Variants in MRGPRF observed in about 807,000 individuals in gnomAD.
The protein encoded by MRGPRF is mas-related G protein-coupled receptor member F.
In MRGPRF, 2 loss-of-function variants were observed where a neutral mutation model predicts 3.3. That is an observed-to-expected ratio of 0.61 (90% CI 0.25 to 1.92). The LOEUF is 1.92. Ranked by LOEUF, MRGPRF falls within the 40% of genes most tolerant of loss-of-function variation. The probability of loss-of-function intolerance (pLI) is 0.16; values close to 1 mark genes in which losing one functional copy is unlikely to be tolerated. For synonymous variants in MRGPRF, 242 were observed against 222.7 expected (o/e 1.09, Z -0.77); for missense variants, 500 against 476.0 (o/e 1.05, Z -0.47).
intron 2 of MRGPRF, among the ~76,000 whole-genome samples, chr11:69,008,297 G>A (rs760502906): frequency 1.3e-5 from 2 of 152,164 alleles, no homozygotes; most frequent in African/African-American, 4.8e-5. Flanking sequence ...CTGCCTGCCC[G>A]GAGAACAGTC....
At chr11:69,012,102 G>A (rs545612349) in intron 1 of MRGPRF, among the ~76,000 whole-genome samples, 2 of 152,370 alleles carry the variant, frequency 1.3e-5, no homozygotes, top group South Asian at 4.1e-4. Context: ...GTCAGTACAT[G>A]TGTATGTGTG....
Position 69,005,769 on chromosome 11 carries a change from A to T in MRGPRF, c.541T>A (p.Phe181Ile). Residue 181 changes from phenylalanine (F) to isoleucine (I), a missense_variant, in exon 3 of 3, where the codon TTC (phenylalanine) becomes ATC (isoleucine). By Grantham distance (21) the Phe-to-Ile change is conservative. Transcript: ENST00000309099. ...GCCCCGCGGCCCAGGAACACGCAGA[A>T]GTAGTTGTGCAGGCAGGTGACCAGG... ...SLLVTCLHNY[F>I]CVFLGRGAPG... 6.5e-7 allele frequency: 1 copy of T among 1,546,876 alleles called. No homozygotes were observed. Among genetic ancestry groups the T allele is most frequent in the Middle Eastern group, 1.7e-4 (1 of 5,942 alleles).
chr11:69,011,119 C>A (rs1209413817), intron 1 of MRGPRF, among the ~76,000 whole-genome samples: 1 of 152,074 alleles, frequency 6.6e-6, no homozygotes, highest in East Asian at 1.9e-4. Context: ...CGGGTCCGCC[C>A]GGCCTCAGCC....
Position 69,005,670 on chromosome 11 carries a change from C to T in MRGPRF, c.640G>A (p.Val214Met). 2 of 1,551,722 alleles carry T rather than the reference C, an allele frequency of 1.3e-6. No homozygotes were observed. Among genetic ancestry groups the T allele is most frequent in the South Asian group, 1.2e-5 (1 of 84,100 alleles). ...LLFLLCCPLM[V>M]LPCLALILHV... ...AGGATGAGGGCCAGGCAGGGCAGCA[C>T]CATGAGCGGGCAGCAGAGCAGGAAC... The change falls in exon 3 of 3, where the codon GTG becomes ATG. Residue 214 changes from valine (V) to methionine (M), a missense_variant. Val to Met is a conservative substitution (Grantham distance 21). Coordinates refer to ENST00000309099, the MANE Select transcript of MRGPRF (RefSeq NM_145015.5).
At chr11:69,008,649 C>A (rs577655878) in intron 2 of MRGPRF, among the ~76,000 whole-genome samples, 5 of 152,328 alleles carry the variant, frequency 3.3e-5, no homozygotes, top group African/African-American at 1.2e-4. Flanking sequence ...CATTTATAGG[C>A]TCAACCCCTG....
chr11:69,005,596 G>C lies in MRGPRF; in HGVS notation c.714C>G (p.Asn238Lys), dbSNP rs1417086143. The part of the protein sequence containing the change: ...ARRRQRSAKL[N>K]HVILAMVSVF... The stretch of plus-strand genomic sequence containing the variant: ...CGGAGACCATGGCCAGGATGACGTG[G>C]TTGAGCTTGGCAGAGCGCTGGCGCC... Residue 238 changes from asparagine to lysine, a missense_variant, in exon 3 of 3, where the codon AAC becomes AAG. Transcript: ENST00000309099. 8.2e-6 allele frequency: 13 copies of C among 1,576,148 alleles called. No individual in the cohort carries two copies. The highest frequency in any genetic ancestry group is 1.1e-5 in the Non-Finnish European group (13 of 1,161,558).
Position 69,005,868 on chromosome 11 carries a change from G to A in MRGPRF, c.442C>T (p.Pro148Ser). The change falls in exon 3 of 3, where the codon CCC becomes TCC. Residue 148 changes from proline (P) to serine (S), a missense_variant. By Grantham distance (74) the Pro-to-Ser change is moderately conservative. Transcript: ENST00000309099. Reference sequence around the variant, plus strand: ...GGCCGCCGGCGCCAGTACCAGGCGGGGAAGATGACCGAGGCGCAGCGCTCG... The same window carrying A: ...GGCCGCCGGCGCCAGTACCAGGCGGAGAAGATGACCGAGGCGCAGCGCTCG... Reference protein sequence around the residue: ...SAERCASVIFPAWYWRRRPKR... With the variant: ...SAERCASVIFSAWYWRRRPKR... The A allele has an allele frequency of 6.4e-7, 1 of 1,559,532 alleles. No individual in the cohort carries two copies. Among genetic ancestry groups the A allele is most frequent in the Middle Eastern group, 1.7e-4 (1 of 5,920 alleles).
Position 69,005,123 on chromosome 11 carries a change from C to A in MRGPRF, c.*155G>T. ...GGTGGCTGCCCAGTCTCCCAGCCAC[C>A]CCTGGAGTCCCCAGCCCAGGGAGAA... On this transcript the variant is annotated 3_prime_UTR_variant, in exon 3 of 3. Transcript: ENST00000309099. The A allele has an allele frequency of 1.0e-6, 1 of 999,310 alleles. No homozygotes were observed. The highest frequency in any genetic ancestry group is 1.4e-6 in the Non-Finnish European group (1 of 711,446). The allele number at this position is 999,310 out of a possible 1,614,324, so 61.9% of individuals were successfully genotyped here. A position where few individuals can be genotyped will look rare whatever the true frequency, so the allele number is the denominator to read the frequency against.
chr11:69,005,266 G>T lies in MRGPRF; in HGVS notation c.*12C>A. On this transcript the variant is annotated 3_prime_UTR_variant, in exon 3 of 3. Transcript: ENST00000309099. ...CCGCTTCCTGCCCCTGCCTCCTCCA[G>T]GCGCTGGAGTCTCAGGAGGCGTTCC... is the stretch of plus-strand genomic sequence containing the variant. 6.8e-7 allele frequency: 1 copy of T among 1,470,998 alleles called. No homozygotes were observed. The highest frequency in any genetic ancestry group is 2.4e-5 in the Admixed American group (1 of 40,826). 91.1% of individuals were successfully genotyped at this position (1,470,998 alleles called of 1,614,324 possible). A position where few individuals can be genotyped will look rare whatever the true frequency, so the allele number is the denominator to read the frequency against.
chr11:69,005,115 C>A lies in MRGPRF; in HGVS notation c.*163G>T. On this transcript the variant is annotated 3_prime_UTR_variant, in exon 3 of 3. Transcript: ENST00000309099. Reference sequence around the variant, plus strand: ...TGTTTGCTGGTGGCTGCCCAGTCTCCCAGCCACCCCTGGAGTCCCCAGCCC... The same window carrying A: ...TGTTTGCTGGTGGCTGCCCAGTCTCACAGCCACCCCTGGAGTCCCCAGCCC... The A allele has an allele frequency of 1.1e-6, 1 of 919,346 alleles. No homozygotes were observed. Among genetic ancestry groups the A allele is most frequent in the South Asian group, 2.0e-5 (1 of 51,106 alleles). 56.9% of individuals were successfully genotyped at this position (919,346 alleles called of 1,614,324 possible).
chr11:69,007,855 G>A (rs113895927), intron 2 of MRGPRF, among the ~76,000 whole-genome samples: 6,582 of 152,258 alleles, frequency 0.043, 307 homozygotes, highest in African/African-American at 0.11. Flanking sequence ...GTGGAGGAGA[G>A]GCAGCAGCTA....
rs1566468365 is a variant in MRGPRF at position 69,004,599 on chromosome 11, C to CTCCCGGAGGCAGCCTAGGACTGGCTCG, written c.*652_*678dup. 6.6e-6 allele frequency: 1 copy of CTCCCGGAGGCAGCCTAGGACTGGCTCG among 152,222 alleles called. No individual in the cohort carries two copies. The highest frequency in any genetic ancestry group is 1.9e-4 in the East Asian group (1 of 5,170). 9.4% of individuals were successfully genotyped at this position (152,222 alleles called of 1,614,324 possible). A position where few individuals can be genotyped will look rare whatever the true frequency, so the allele number is the denominator to read the frequency against. ...CATGGCCTGCGGGATACCTCAAGTG[C>CTCCCGGAGGCAGCCTAGGACTGGCTCG]TCCCGGAGGCAGCCTAGGACTGGCT... is the stretch of plus-strand genomic sequence containing the variant. On this transcript the variant is annotated 3_prime_UTR_variant, in exon 3 of 3. Coordinates refer to ENST00000309099, the MANE Select transcript of MRGPRF (RefSeq NM_145015.5).
chr11:69,005,957 A>T lies in MRGPRF; in HGVS notation c.353T>A (p.Val118Glu). 1 of 1,569,096 alleles carries T rather than the reference A, an allele frequency of 6.4e-7. No homozygotes were observed. The highest frequency in any genetic ancestry group is 1.2e-5 in the South Asian group (1 of 85,644). The change falls in exon 3 of 3, where the codon GTG (valine) becomes GAG (glutamate). Residue 118 changes from valine to glutamate, a missense_variant. By Grantham distance (121) the Val-to-Glu change is moderately radical. Transcript: ENST00000309099. ...CATGCAGAGCCCCAGGACCCGGCAC[A>T]CGCTGCGGATGTAGTCGGCAAACGT... ...LGTFADYIRS[V>E]CRVLGLCMFL...
Position 69,009,929 on chromosome 11 carries a change from GCT to G in MRGPRF, c.-30_-29del, listed in dbSNP as rs1565065711. Reference sequence around the variant, plus strand: ...CCAGGCCTGGCGCGTCTGGGCCCCTGCTGGCAGCTCACCAGTCTGCACACCCA... The same window carrying G: ...CCAGGCCTGGCGCGTCTGGGCCCCTGGGCAGCTCACCAGTCTGCACACCCA... On this transcript the variant is annotated 5_prime_UTR_variant, in exon 2 of 3. Transcript: ENST00000309099. 1.3e-6 allele frequency: 2 copies of G among 1,593,194 alleles called. No individual in the cohort carries two copies. Among genetic ancestry groups the G allele is most frequent in the South Asian group, 2.3e-5 (2 of 88,200 alleles).
Position 69,005,805 on chromosome 11 carries a change from C to T in MRGPRF, c.505G>A (p.Val169Ile), listed in dbSNP as rs1446800125. 6.5e-7 allele frequency: 1 copy of T among 1,536,042 alleles called. No individual in the cohort carries two copies. Among genetic ancestry groups the T allele is most frequent in the African/African-American group, 1.4e-5 (1 of 72,938 alleles). Reference sequence around the variant, plus strand: ...AGGCAGGTGACCAGGAGGGACAGGACCCACAGCAGGGCGCACACCACGGCC... The same window carrying T: ...AGGCAGGTGACCAGGAGGGACAGGATCCACAGCAGGGCGCACACCACGGCC... The part of the protein sequence containing the change: ...LSAVVCALLW[V>I]LSLLVTCLHN... Residue 169 changes from valine to isoleucine, a missense_variant, in exon 3 of 3, where the codon GTC becomes ATC. Transcript: ENST00000309099.
intron 2 of MRGPRF, among the ~76,000 whole-genome samples, chr11:69,006,618 C>T (rs1263668071): frequency 1.8e-5 from 2 of 111,236 alleles, no homozygotes; most frequent in East Asian, 5.3e-4. Context: ...AGAGCCTTTC[C>T]CTTTTTTTTT....
At chr11:69,006,877 C>G (rs1860503155) in intron 2 of MRGPRF, among the ~76,000 whole-genome samples, 1 of 152,168 alleles carries the variant, frequency 6.6e-6, no homozygotes, top group Non-Finnish European at 1.5e-5. Context: ...ACCTGCCTCC[C>G]AAAGTGCTGG....
chr11:69,006,376 G>T, intron 2 of MRGPRF, 115 bp from the exon 3 acceptor site: 1 of 1,241,244 alleles, frequency 8.1e-7, no homozygotes, highest in Non-Finnish European at 1.1e-6. Context: ...TTGGGGCAGG[G>T]AGGGGGTCTG....
Position 69,006,121 on chromosome 11 carries a change from C to G in MRGPRF, c.189G>C (p.Gly63=). The change falls in exon 3 of 3, where the codon GGG becomes GGC. Residue 63 remains glycine (G), a synonymous_variant. Coordinates refer to ENST00000309099, the MANE Select transcript of MRGPRF (RefSeq NM_145015.5). Reference sequence around the variant, plus strand: ...AGAAGCCGAAAAACCAGAGGACCAGCCCGTTGCCCACCAGGCCACACAGGC... The same window carrying G: ...AGAAGCCGAAAAACCAGAGGACCAGGCCGTTGCCCACCAGGCCACACAGGC... ...LLCLCGLVGN[G]LVLWFFGFSI... 2 of 1,613,994 alleles carry G rather than the reference C, an allele frequency of 1.2e-6. No individual in the cohort carries two copies. Among genetic ancestry groups the G allele is most frequent in the Middle Eastern group, 1.6e-4 (1 of 6,062 alleles).
Sources: allele counts gnomAD v4.1 joint callset (sites outside exome capture counted in the v4.1 genomes callset), GRCh38; gene constraint gnomAD v4.1.1; transcripts MANE v1.5; gene names NCBI Gene and HGNC (gene_info 2026-07-23, HGNC 2026-07-21).